The following ZNF343 variants were observed in gnomAD, a reference collection of about 807,000 sequenced individuals.
The protein encoded by ZNF343 is zinc finger protein 343.
ZNF343 carries 11 observed loss-of-function variants against 13.8 expected under a neutral mutation model. That is an observed-to-expected ratio of 0.80 (90% CI 0.50 to 1.32). The LOEUF is 1.32. Ranked by LOEUF, ZNF343 falls within the 40% of genes most tolerant of loss-of-function variation. ZNF343 has a pLI of 0.00. For missense variants in ZNF343, 658 were observed against 714.2 expected (o/e 0.92, Z 0.90); for synonymous variants, 248 against 260.0 (o/e 0.95, Z 0.44).
intron 1 of ZNF343, among the ~76,000 whole-genome samples, chr20:2,521,613 C>T (rs2085782767): frequency 6.6e-6 from 1 of 152,182 alleles, no homozygotes; most frequent in Non-Finnish European, 1.5e-5. Flanking sequence ...ATGACTTCTG[C>T]AGTCAGAATT....
At position 2,482,509 on chromosome 20, in the gene ZNF343, G is replaced by GT. The variant is rs535192316; in HGVS notation, c.*651dup. The GT allele has an allele frequency of 2.6e-5, 4 of 152,882 alleles. No individual in the cohort carries two copies. The highest frequency in any genetic ancestry group is 4.4e-5 in the Non-Finnish European group (3 of 68,642). The allele number at this position is 152,882 out of a possible 1,614,324, so 9.5% of individuals were successfully genotyped here. A position where few individuals can be genotyped will look rare whatever the true frequency, so the allele number is the denominator to read the frequency against. On this transcript the variant is annotated 3_prime_UTR_variant, in exon 6 of 6. Coordinates refer to ENST00000278772, the MANE Select transcript of ZNF343 (RefSeq NM_024325.6). ...TTGAGTCAAGGGTTGGGGCCAGAAG[G>GT]TACCCCTGCAAAGGTGCATTGCCCC...
chr20:2,499,504 G>A (rs749259232), intron 2 of ZNF343, among the ~76,000 whole-genome samples: 6 of 150,080 alleles, frequency 4.0e-5, no homozygotes, highest in South Asian at 4.3e-4. Context: ...AAAAGAAATG[G>A]CCCTCTTGAG....
In ZNF343 at chr20:2,508,031, A is replaced by AC. The variant is rs2059676343; in HGVS notation, c.-237+849dup. Among the ~76,000 whole-genome samples, 1 of 151,870 alleles carries AC rather than the reference A, an allele frequency of 6.6e-6. No individual in the cohort carries two copies. Among genetic ancestry groups the AC allele is most frequent in the Non-Finnish European group, 1.5e-5 (1 of 67,982 alleles). ...GACGGGCCACCCAGATGACGACCAA[A>AC]CCCAGGAACTTTGCCACAAAGCACA... On this transcript the variant is annotated intron_variant, in intron 1 of 5. Transcript: ENST00000278772. The surrounding 1 kb of genome is among the most constrained non-coding windows in gnomAD (Gnocchi z 4.5).
rs2085247670 is a variant in ZNF343 at position 2,484,389 on chromosome 20, C to T, written c.572G>A (p.Arg191Lys). The T allele has an allele frequency of 6.2e-7, 1 of 1,614,182 alleles. No homozygotes were observed. ...SARTEERETS[R>K]AFPSPLQRQS... ...TCTTTGGAGTGGGCTGGGGAATGCC[C>T]TTGAGGTTTCTCTCTCCTCTGTCCT... The change falls in exon 6 of 6, where the codon AGG (arginine) becomes AAG (lysine). Residue 191 changes from arginine to lysine, a missense_variant. Arg to Lys is a conservative substitution (Grantham distance 26). Coordinates refer to ENST00000278772, the MANE Select transcript of ZNF343 (RefSeq NM_024325.6).
upstream of ZNF343, among the ~76,000 whole-genome samples, chr20:2,509,710 C>G (rs1452330326): frequency 6.6e-6 from 1 of 152,280 alleles, no homozygotes; most frequent in South Asian, 2.1e-4. Context: ...ATTTTTAAAA[C>G]TGGGCTACGC....
Position 2,483,881 on chromosome 20 carries a change from TCG to T in ZNF343, c.1078_1079del (p.Gly361LeufsTer2). On this transcript the variant is annotated frameshift_variant, in exon 6 of 6. Coordinates refer to ENST00000278772, the MANE Select transcript of ZNF343 (RefSeq NM_024325.6). LOFTEE classifies it low-confidence loss of function (END_TRUNC). ...TGAAGGATGACTTCTCGCTAAAGCC[TCG>T]CCCACACTCGCTGCAAACATAGGGC... ...EKPYVCSECG[R>X]GFSEKSSFIR... 2.5e-6 allele frequency: 4 copies of T among 1,614,192 alleles called. No individual in the cohort carries two copies. The African/African-American group carries it at 5.3e-5, about 22-fold the overall frequency.
In ZNF343 at chr20:2,483,038, T is replaced by A. The variant is rs2085192918; in HGVS notation, c.*123A>T. 8.3e-7 allele frequency: 1 copy of A among 1,210,902 alleles called. No individual in the cohort carries two copies. The highest frequency in any genetic ancestry group is 2.5e-5 in the East Asian group (1 of 40,038). 75.0% of individuals were successfully genotyped at this position (1,210,902 alleles called of 1,614,324 possible). On this transcript the variant is annotated 3_prime_UTR_variant, in exon 6 of 6. Coordinates refer to ENST00000278772, the MANE Select transcript of ZNF343 (RefSeq NM_024325.6). Reference sequence around the variant, plus strand: ...TGCCTGATAAGGGCTGACACATCTCTGGAACTTCACTCACAATCTGTGTAC... The same window carrying A: ...TGCCTGATAAGGGCTGACACATCTCAGGAACTTCACTCACAATCTGTGTAC...
intron 2 of ZNF343, among the ~76,000 whole-genome samples, chr20:2,499,413 C>T (rs2085519966): frequency 1.0e-5 from 1 of 96,092 alleles, no homozygotes; most frequent in African/African-American, 4.0e-5. Flanking sequence ...TGCAGTGAGC[C>T]GAGATCCCGC....
At position 2,499,258 on chromosome 20, in the gene ZNF343, G is replaced by A. The variant is rs539697945; in HGVS notation, c.-150+1398C>T. On this transcript the variant is annotated intron_variant, in intron 2 of 5. Transcript: ENST00000278772. Reference sequence around the variant, plus strand: ...AGGTGGGCGGATCACGAGGTCAGGAGATCGAGACCATCCCGGCTAAAACGG... The same window carrying A: ...AGGTGGGCGGATCACGAGGTCAGGAAATCGAGACCATCCCGGCTAAAACGG... Among the ~76,000 whole-genome samples the A allele has an allele frequency of 7.2e-3, 1,048 of 144,808 alleles. 29 individuals are homozygous for A. Among genetic ancestry groups the A allele is most frequent in the African/African-American group, 0.026 (1,010 of 38,866 alleles). The allele number at this position is 144,808 out of a possible 152,430, so 95.0% of individuals were successfully genotyped here. A position where few individuals can be genotyped will look rare whatever the true frequency, so the allele number is the denominator to read the frequency against.
In ZNF343 at chr20:2,483,848, G is replaced by C. The variant is rs2085228946; in HGVS notation, c.1113C>G (p.His371Gln). The C allele has an allele frequency of 6.2e-7, 1 of 1,613,852 alleles. No individual in the cohort carries two copies. The highest frequency in any genetic ancestry group is 1.7e-5 in the Admixed American group (1 of 59,982). Residue 371 changes from histidine (H) to glutamine (Q), a missense_variant, in exon 6 of 6, where the codon CAC (histidine) becomes CAG (glutamine). His to Gln is a conservative substitution (Grantham distance 24). Transcript: ENST00000278772. ...GTTTCTCACCGGAGTGTGTCCTCTG[G>C]TGTCTGATGAAGGATGACTTCTCGC... is the stretch of plus-strand genomic sequence containing the variant. ...GFSEKSSFIR[H>Q]QRTHSGEKPY... is the part of the protein sequence containing the mutation.
intron 2 of ZNF343, among the ~76,000 whole-genome samples, chr20:2,498,127 C>T (rs559103790): frequency 2.6e-4 from 40 of 152,112 alleles, no homozygotes; most frequent in South Asian, 1.2e-3. Context: ...GAGGCTGAGG[C>T]GGGTGGATCA....
At chr20:2,485,093 T>G (rs2085261983) in intron 5 of ZNF343, among the ~76,000 whole-genome samples, 1 of 152,134 alleles carries the variant, frequency 6.6e-6, no homozygotes, top group South Asian at 2.1e-4. Context: ...GGCTTCCGAA[T>G]GTAGGAGAAA....
At chr20:2,500,133 A>G (rs770768025) in intron 2 of ZNF343, among the ~76,000 whole-genome samples, 1 of 152,190 alleles carries the variant, frequency 6.6e-6, no homozygotes, top group Non-Finnish European at 1.5e-5. Flanking sequence ...GGGGGGCTCA[A>G]TGAAACAGGG....
chr20:2,488,314 T>C (rs1049420487), intron 5 of ZNF343, among the ~76,000 whole-genome samples: 1 of 151,918 alleles, frequency 6.6e-6, no homozygotes, highest in African/African-American at 2.4e-5. Context: ...GTGTGGTATA[T>C]GGTCCAATGT....
chr20:2,504,061 T>C (rs1349739660), intron 1 of ZNF343, among the ~76,000 whole-genome samples: 1 of 152,024 alleles, frequency 6.6e-6, no homozygotes. Context: ...GATAGACCGC[T>C]AGCAAGACTA....
At chr20:2,520,771 G>A (rs1017007404) in intron 1 of ZNF343, among the ~76,000 whole-genome samples, 3 of 152,196 alleles carry the variant, frequency 2.0e-5, no homozygotes, top group African/African-American at 4.8e-5. Flanking sequence ...GCCGAAAAGT[G>A]GTGACTCACA....
intron 2 of ZNF343, among the ~76,000 whole-genome samples, chr20:2,496,695 C>G (rs2085464639): frequency 6.6e-6 from 1 of 152,064 alleles, no homozygotes; most frequent in African/African-American, 2.4e-5. Context: ...ATAGCAATCA[C>G]ATCCTGAATT....
chr20:2,506,373 A>G (rs1001716354), intron 1 of ZNF343, among the ~76,000 whole-genome samples: 22 of 152,104 alleles, frequency 1.4e-4, no homozygotes, highest in African/African-American at 4.1e-4. Context: ...CAACCATTGT[A>G]GAAGTCAGTG....
chr20:2,500,581 A>C (rs544291106), intron 2 of ZNF343, 75 bp downstream of exon 2: 3 of 152,416 alleles, frequency 2.0e-5, no homozygotes, highest in African/African-American at 7.2e-5. Context: ...AAGATGTCAG[A>C]CGGGCAAAGG....
Sources: gnomAD v4.1 joint callset for allele counts (sites outside exome capture counted in the v4.1 genomes callset) on GRCh38, gnomAD v4.1.1 for gene constraint, Gnocchi (gnomAD v3.1) non-coding constraint, MANE v1.5 for transcripts, NCBI Gene and HGNC (gene_info 2026-07-23, HGNC 2026-07-21) for gene names.